The following ADAMTS18 variants were observed in gnomAD, a reference collection of about 807,000 sequenced individuals.
ADAMTS18 encodes ADAM metallopeptidase with thrombospondin type 1 motif 18, also known as A disintegrin and metalloproteinase with thrombospondin motifs 18.
Under a neutral mutation model 165.9 loss-of-function variants are expected in ADAMTS18, and 157 were observed. The observed-to-expected ratio is 0.95, with a 90% CI of 0.83 to 1.08. ADAMTS18 has a LOEUF of 1.08. Among genes scored for constraint, ADAMTS18 ranks in the 50% least tolerant of loss-of-function variants. The pLI, the probability that ADAMTS18 is intolerant of heterozygous loss-of-function variation, is 0.00. For synonymous variants in ADAMTS18, 782 were observed against 578.2 expected (o/e 1.35, Z -5.06); for missense variants, 2,040 against 1,534.0 (o/e 1.33, Z -5.51).
chr16:77,323,222 A>G (rs1258737448), intron 13 of ADAMTS18, among the ~76,000 whole-genome samples: 12 of 152,200 alleles, frequency 7.9e-5, no homozygotes, highest in Non-Finnish European at 1.0e-4. Flanking sequence ...GGAATTCCAG[A>G]TAACGTTTCT....
At chr16:77,421,453 T>C (rs1201765288) in intron 3 of ADAMTS18, among the ~76,000 whole-genome samples, 3 of 152,218 alleles carry the variant, frequency 2.0e-5, no homozygotes, top group Non-Finnish European at 4.4e-5. Flanking sequence ...ATTAGGCCTG[T>C]TTATATTTAG....
chr16:77,328,911 G>T (rs957067871), intron 12 of ADAMTS18, among the ~76,000 whole-genome samples: 1 of 152,114 alleles, frequency 6.6e-6, no homozygotes, highest in Non-Finnish European at 1.5e-5. Context: ...GTTGAAAGAG[G>T]GTCACACAGC....
chr16:77,356,233 G>A (rs964128574), intron 8 of ADAMTS18, among the ~76,000 whole-genome samples, 156 bp from the exon 9 acceptor site: 8 of 152,128 alleles, frequency 5.3e-5, no homozygotes, highest in Non-Finnish European at 8.8e-5. Flanking sequence ...ACTATAGATT[G>A]TTATAAAATT....
chr16:77,339,454 G>A (rs527908972), intron 11 of ADAMTS18, among the ~76,000 whole-genome samples: 17 of 152,064 alleles, frequency 1.1e-4, no homozygotes, highest in South Asian at 1.0e-3. Flanking sequence ...ACACAAGTAC[G>A]TTTTATCCCC....
rs776469924 is a variant in ADAMTS18, at chr16:77,297,386, G to T, written c.2704C>A (p.Arg902=). The part of the protein sequence containing the change: ...GYINVKAICL[R]DQNTQVNSSF... ...GAATTGACTTGAGTATTTTGATCTC[G>T]CAAGCAAATGGCCTTTACATTTATG... The change falls in exon 18 of 23, where the codon CGA becomes AGA. Residue 902 remains arginine, a synonymous_variant. Transcript: ENST00000282849. 3 of 1,613,146 alleles carry T rather than the reference G, an allele frequency of 1.9e-6. No homozygotes were observed. Among genetic ancestry groups the T allele is most frequent in the African/African-American group, 1.3e-5 (1 of 74,872 alleles).
At chr16:77,337,718 T>C (rs76641026) in intron 11 of ADAMTS18, among the ~76,000 whole-genome samples, 3,166 of 152,268 alleles carry the variant, frequency 0.021, 111 homozygotes, top group African/African-American at 0.072. Flanking sequence ...CTTCAGTATT[T>C]GTTCTAGTAT....
intron 3 of ADAMTS18, among the ~76,000 whole-genome samples, chr16:77,381,824 C>T (rs980289316): frequency 2.0e-5 from 3 of 151,984 alleles, no homozygotes; most frequent in African/African-American, 4.8e-5. Context: ...AATAAATAAA[C>T]AAATCAGAGT....
intron 7 of ADAMTS18, among the ~76,000 whole-genome samples, chr16:77,360,932 A>G (rs1383414564): frequency 6.6e-6 from 1 of 152,046 alleles, no homozygotes; most frequent in Admixed American, 6.6e-5. Context: ...CTAAAAATAC[A>G]AAAATTAGCC....
chr16:77,319,028 G>C (rs887774598), intron 16 of ADAMTS18, among the ~76,000 whole-genome samples: 3 of 152,162 alleles, frequency 2.0e-5, no homozygotes, highest in Non-Finnish European at 4.4e-5. Context: ...GTCATTTCCA[G>C]ATATGTTGGT....
At chr16:77,423,078 G>T (rs913212120) in intron 3 of ADAMTS18, among the ~76,000 whole-genome samples, 1 of 152,124 alleles carries the variant, frequency 6.6e-6, no homozygotes, top group African/African-American at 2.4e-5. Context: ...TTCAGAGGTG[G>T]GACCCACACA....
chr16:77,417,793 C>A (rs906907121), intron 3 of ADAMTS18, among the ~76,000 whole-genome samples: 1 of 152,198 alleles, frequency 6.6e-6, no homozygotes, highest in Admixed American at 6.5e-5. Context: ...CAACTACATA[C>A]AATAGATAGA....
chr16:77,326,510 G>T (rs1249481045), intron 12 of ADAMTS18, among the ~76,000 whole-genome samples: 1 of 152,060 alleles, frequency 6.6e-6, no homozygotes, highest in Non-Finnish European at 1.5e-5. Flanking sequence ...AGCCTCCCAA[G>T]TAGCTGGGAC....
At chr16:77,386,595 C>A (rs1048541621) in intron 3 of ADAMTS18, among the ~76,000 whole-genome samples, 1 of 152,166 alleles carries the variant, frequency 6.6e-6, no homozygotes, top group Admixed American at 6.5e-5. Flanking sequence ...TTCTGCATCC[C>A]TCATTATATT....
chr16:77,286,383 C>T (rs538161920), intron 22 of ADAMTS18, among the ~76,000 whole-genome samples: 2 of 152,150 alleles, frequency 1.3e-5, no homozygotes, highest in Non-Finnish European at 2.9e-5. Context: ...TTGAAGCAAG[C>T]TTGTCAGAAG....
intron 3 of ADAMTS18, among the ~76,000 whole-genome samples, chr16:77,423,803 C>G (rs1004020082): frequency 9.9e-5 from 15 of 152,120 alleles, no homozygotes; most frequent in Middle Eastern, 3.2e-3. Flanking sequence ...TCCAAACATT[C>G]CCGCAAGCAG....
chr16:77,433,867 A>G (rs953678769), intron 2 of ADAMTS18, among the ~76,000 whole-genome samples: 14 of 152,174 alleles, frequency 9.2e-5, no homozygotes, highest in Non-Finnish European at 2.1e-4. Flanking sequence ...GTCAGAAAAG[A>G]TAGATAAAGG....
At chr16:77,423,543 T>C (rs1268791970) in intron 3 of ADAMTS18, among the ~76,000 whole-genome samples, 1 of 152,184 alleles carries the variant, frequency 6.6e-6, no homozygotes, top group Non-Finnish European at 1.5e-5. Flanking sequence ...AGTACTATCA[T>C]TATCCTCGAC....
intron 3 of ADAMTS18, among the ~76,000 whole-genome samples, chr16:77,374,754 C>A (rs1326612053): frequency 6.6e-6 from 1 of 152,000 alleles, no homozygotes; most frequent in African/African-American, 2.4e-5. Flanking sequence ...ACTGAGAAAG[C>A]AATTTAAAAA....
chr16:77,385,301 G>T (rs1414708158), intron 3 of ADAMTS18, among the ~76,000 whole-genome samples: 1 of 152,136 alleles, frequency 6.6e-6, no homozygotes, highest in Admixed American at 6.6e-5. Flanking sequence ...AATGTATTTG[G>T]TTTCTAAGTT....
Sources: allele counts gnomAD v4.1 joint callset (sites outside exome capture counted in the v4.1 genomes callset), GRCh38; gene constraint gnomAD v4.1.1; transcripts MANE v1.5; gene names NCBI Gene and HGNC (gene_info 2026-07-23, HGNC 2026-07-21).